The following GRIA4 variants were observed in gnomAD, a reference collection of about 807,000 sequenced individuals.
GRIA4 encodes the protein glutamate receptor 4.
In GRIA4, 34 loss-of-function variants were observed where a neutral mutation model predicts 104.0. That is an observed-to-expected ratio of 0.33 (90% CI 0.25 to 0.44). The LOEUF is 0.44. Ranked by LOEUF, GRIA4 falls within the 20% of genes least tolerant of loss-of-function variation. GRIA4 has a pLI of 1.00. For missense variants in GRIA4, 750 were observed against 1,096.5 expected, an observed-to-expected ratio of 0.68 and a Z score of 4.46; for synonymous variants, 386 against 381.9, an observed-to-expected ratio of 1.01 and a Z score of -0.13.
At chr11:105,841,968 T>TG (rs1565279479) in intron 4 of GRIA4, among the ~76,000 whole-genome samples, 1 of 152,108 alleles carries the variant, frequency 6.6e-6, no homozygotes, top group Non-Finnish European at 1.5e-5. Flanking sequence ...TACTAAGCAT[T>TG]GGGGGTATAA....
At chr11:105,790,297 C>T (rs922933147) in intron 4 of GRIA4, among the ~76,000 whole-genome samples, 1 of 152,206 alleles carries the variant, frequency 6.6e-6, no homozygotes, top group African/African-American at 2.4e-5. Flanking sequence ...GAAGCCAATG[C>T]ACATTGCTGT....
chr11:105,786,835 C>T lies in GRIA4; in HGVS notation c.487+33615C>T, dbSNP rs539392565. Among the ~76,000 whole-genome samples the T allele has an allele frequency of 5.9e-5, 9 of 152,258 alleles. No homozygotes were observed. The South Asian group carries it at 1.9e-3, about 32-fold the overall frequency. On this transcript the variant is annotated intron_variant, in intron 4 of 16. Transcript: ENST00000282499. ...ATTATACTGTGAATTAGACTGCAAA[C>T]ATGCTATTATAATGCATCTTGGACT...
rs189793193 is a variant in GRIA4, at chr11:105,690,776, T to C, written c.248-62205T>C. On this transcript the variant is annotated intron_variant, in intron 3 of 16. Coordinates refer to ENST00000282499, the MANE Select transcript of GRIA4 (RefSeq NM_000829.4). ...CCTGCCAAGGATGGAGAATGATCTA[T>C]GTGACCTTTTCCAGAGATTTTTTTT... Among the ~76,000 whole-genome samples the C allele has an allele frequency of 4.6e-5, 7 of 152,336 alleles. No individual in the cohort carries two copies. In the East Asian group the frequency reaches 1.2e-3, roughly 25 times the overall value.
At chr11:105,934,089 T>C (rs1263702841) in intron 14 of GRIA4, 120 bp downstream of exon 14, 6 of 846,024 alleles carry the variant, frequency 7.1e-6, no homozygotes, top group South Asian at 5.9e-5. Flanking sequence ...GTTTGTTTTC[T>C]TTTTCTCCAT....
chr11:105,919,044 C>T (rs1947485362), intron 11 of GRIA4, 126 bp downstream of exon 11: 1 of 629,092 alleles, frequency 1.6e-6, no homozygotes, highest in Non-Finnish European at 2.9e-6. Flanking sequence ...GAGGCACATA[C>T]AGTGTTTAAA....
At chr11:105,978,051 T>C (rs1419672875) in intron 16 of GRIA4, among the ~76,000 whole-genome samples, 1 of 152,096 alleles carries the variant, frequency 6.6e-6, no homozygotes, top group Middle Eastern at 3.2e-3. Flanking sequence ...ACAATTTACA[T>C]ACAATAAAAC....
At chr11:105,869,786 G>T (rs1438930909) in intron 5 of GRIA4, among the ~76,000 whole-genome samples, 1 of 152,028 alleles carries the variant, frequency 6.6e-6, no homozygotes, top group Non-Finnish European at 1.5e-5. Context: ...AGTCAGAAAA[G>T]TAATGGAACA....
rs34715406 is a variant in GRIA4, at chr11:105,662,007, T to TTG, written c.247+49590_247+49591dup. ...TGAAGAAAACTGTGTGTGTGTGTGT[T>TTG]TGTGTGTGTGTGTGTGTGCACATCA... On this transcript the variant is annotated intron_variant, in intron 3 of 16. Coordinates refer to ENST00000282499, the MANE Select transcript of GRIA4 (RefSeq NM_000829.4). Among the ~76,000 whole-genome samples the TTG allele has an allele frequency of 5.8e-3, 872 of 149,946 alleles. 7 individuals carry two copies. The highest frequency in any genetic ancestry group is 0.019 in the African/African-American group (792 of 40,944).
At chr11:105,885,069 T>C (rs1171561903) in intron 5 of GRIA4, among the ~76,000 whole-genome samples, 1 of 152,172 alleles carries the variant, frequency 6.6e-6, no homozygotes, top group Non-Finnish European at 1.5e-5. Flanking sequence ...AACGGATTGC[T>C]GAGTGGCAAC....
intron 4 of GRIA4, among the ~76,000 whole-genome samples, chr11:105,841,197 A>G (rs1467330234): frequency 1.3e-5 from 2 of 151,938 alleles, no homozygotes; most frequent in African/African-American, 4.8e-5. Flanking sequence ...ACATTCAAAC[A>G]CCTGAACCGA....
At chr11:105,866,892 A>G (rs1337054871) in intron 5 of GRIA4, among the ~76,000 whole-genome samples, 1 of 152,050 alleles carries the variant, frequency 6.6e-6, no homozygotes, top group African/African-American at 2.4e-5. Context: ...AATCTAACCA[A>G]GTATTTATCA....
intron 4 of GRIA4, among the ~76,000 whole-genome samples, chr11:105,823,794 T>C (rs1458251255): frequency 6.6e-6 from 1 of 152,208 alleles, no homozygotes; most frequent in East Asian, 1.9e-4. Flanking sequence ...ATGGGCTGAA[T>C]TGTATCCCCC....
At chr11:105,841,286 C>T (rs1220339469) in intron 4 of GRIA4, among the ~76,000 whole-genome samples, 1 of 152,012 alleles carries the variant, frequency 6.6e-6, no homozygotes, top group Non-Finnish European at 1.5e-5. Flanking sequence ...TTTGTTTCTA[C>T]ATCTAATATC....
chr11:105,628,011 TA>T (rs1030645428), intron 3 of GRIA4, among the ~76,000 whole-genome samples: 2 of 152,166 alleles, frequency 1.3e-5, no homozygotes, highest in African/African-American at 4.8e-5. Flanking sequence ...AAAAACTTGT[TA>T]AAAAATGAGT....
In GRIA4 at chr11:105,744,252, G is replaced by C. The variant is rs554699778; in HGVS notation, c.248-8729G>C. Among the ~76,000 whole-genome samples, 92 of 152,296 alleles carry C rather than the reference G, an allele frequency of 6.0e-4. 2 individuals carry two copies. Among genetic ancestry groups the C allele is most frequent in the Admixed American group, 6.0e-3 (91 of 15,292 alleles). On this transcript the variant is annotated intron_variant, in intron 3 of 16. Transcript: ENST00000282499. ...TATTTTCTTTGAAGTGTTTAACACA[G>C]TGACTGAAATAAACTAGGCAGTATA...
At chr11:105,760,387 T>G (rs1307420337) in intron 4 of GRIA4, among the ~76,000 whole-genome samples, 3 of 152,162 alleles carry the variant, frequency 2.0e-5, no homozygotes, top group African/African-American at 7.2e-5. Flanking sequence ...ACTTTTCTCC[T>G]TGGCCCCAGT....
intron 4 of GRIA4, among the ~76,000 whole-genome samples, chr11:105,861,501 T>C (rs1417922592): frequency 6.6e-6 from 1 of 152,152 alleles, no homozygotes; most frequent in Non-Finnish European, 1.5e-5. Flanking sequence ...CTCTCTAATA[T>C]GCACCTGTCC....
intron 4 of GRIA4, among the ~76,000 whole-genome samples, chr11:105,766,040 G>A (rs553259972): frequency 5.3e-5 from 6 of 113,680 alleles, no homozygotes; most frequent in African/African-American, 1.7e-4. Context: ...TTACACAAGG[G>A]GGTGACTATG....
intron 3 of GRIA4, among the ~76,000 whole-genome samples, chr11:105,738,187 G>C (rs1939075606): frequency 6.6e-6 from 1 of 152,118 alleles, no homozygotes; most frequent in South Asian, 2.1e-4. Context: ...CAGATAAGTT[G>C]CATGTAAATT....
Sources: allele counts gnomAD v4.1 joint callset (sites outside exome capture counted in the v4.1 genomes callset), GRCh38; gene constraint gnomAD v4.1.1; transcripts MANE v1.5; gene names NCBI Gene and HGNC (gene_info 2026-07-23, HGNC 2026-07-21).